The following ANO2 variants were observed in gnomAD, a reference collection of about 807,000 sequenced individuals.
The protein encoded by ANO2 is anoctamin 2.
In ANO2, 101 loss-of-function variants were observed where a neutral mutation model predicts 124.2. The observed-to-expected ratio is 0.81, with a 90% CI of 0.69 to 0.96. The LOEUF (loss-of-function observed/expected upper bound fraction) is 0.96. ANO2 is among the 40% of genes least tolerant of loss of function. The pLI, the probability that ANO2 is intolerant of heterozygous loss-of-function variation, is 0.00. For synonymous variants in ANO2, 486 were observed against 482.5 expected (o/e 1.01, Z -0.09); for missense variants, 1,293 against 1,274.5 (o/e 1.01, Z -0.22).
chr12:5,651,411 CT>C (rs1035844075), intron 14 of ANO2, among the ~76,000 whole-genome samples: 11 of 125,158 alleles, frequency 8.8e-5, no homozygotes, highest in African/African-American at 2.3e-4. Context: ...TTCTTCTTTT[CT>C]TTTTTTTTTC....
chr12:5,923,475 C>T (rs1022455924), intron 1 of ANO2, among the ~76,000 whole-genome samples: 6 of 152,194 alleles, frequency 3.9e-5, no homozygotes, highest in African/African-American at 1.4e-4. Flanking sequence ...CACCAGCTGG[C>T]ACCCTGGCCA....
intron 7 of ANO2, 39 bp from the exon 8 acceptor site, chr12:5,807,407 C>T (rs1278098033): frequency 6.5e-6 from 10 of 1,529,188 alleles, no homozygotes; most frequent in Middle Eastern, 1.7e-4. Context: ...AACTCTGGGG[C>T]AAGCGTTTCT....
intron 7 of ANO2, among the ~76,000 whole-genome samples, chr12:5,816,959 T>C (rs955527202): frequency 6.6e-6 from 1 of 152,208 alleles, no homozygotes; most frequent in Admixed American, 6.5e-5. Flanking sequence ...CAGGTGCTCA[T>C]TAAATGTTTT....
intron 16 of ANO2, among the ~76,000 whole-genome samples, chr12:5,634,810 T>G (rs1945919765): frequency 6.6e-6 from 1 of 152,196 alleles, no homozygotes; most frequent in Non-Finnish European, 1.5e-5. Context: ...TCTGTAATTT[T>G]TAACAGGAAG....
At chr12:5,918,218 G>T (rs567391556) in intron 3 of ANO2, among the ~76,000 whole-genome samples, 1 of 152,292 alleles carries the variant, frequency 6.6e-6, no homozygotes, top group East Asian at 1.9e-4. Context: ...CCACAGCAAG[G>T]AAGCCTAACG....
At chr12:5,827,647 C>T (rs986378529) in intron 7 of ANO2, 122 bp downstream of exon 7, 2 of 1,200,662 alleles carry the variant, frequency 1.7e-6, no homozygotes, top group African/African-American at 3.0e-5. Context: ...GCTAAGCAGC[C>T]TCTCCGTGGG....
At chr12:5,725,245 G>C (rs1314747762) in intron 14 of ANO2, among the ~76,000 whole-genome samples, 1 of 152,040 alleles carries the variant, frequency 6.6e-6, no homozygotes, top group Non-Finnish European at 1.5e-5. Context: ...ACTCTCAACA[G>C]TTCAGGGATG....
chr12:5,584,445 AG>A (rs1162567310), intron 20 of ANO2, among the ~76,000 whole-genome samples: 1 of 152,240 alleles, frequency 6.6e-6, no homozygotes, highest in East Asian at 1.9e-4. Flanking sequence ...GCTTAAAAAA[AG>A]AATCCTCCTT....
At chr12:5,649,039 G>A (rs927079211) in intron 14 of ANO2, among the ~76,000 whole-genome samples, 2 of 152,136 alleles carry the variant, frequency 1.3e-5, no homozygotes, top group African/African-American at 4.8e-5. Flanking sequence ...TTGGTGCCAC[G>A]CACAGTGGGA....
chr12:5,880,701 T>C (rs11615498), intron 3 of ANO2, among the ~76,000 whole-genome samples: 14,812 of 152,070 alleles, frequency 0.097, 818 homozygotes, highest in Middle Eastern at 0.17. Flanking sequence ...AATTAAATAA[T>C]AAGGAGCAGA....
chr12:5,770,841 C>A (rs1294320919), intron 10 of ANO2, among the ~76,000 whole-genome samples: 2 of 152,186 alleles, frequency 1.3e-5, no homozygotes, highest in East Asian at 1.9e-4. Flanking sequence ...GGCACCTTAC[C>A]ATTCCTCAGA....
chr12:5,721,834 CA>C (rs1266459069), intron 14 of ANO2, among the ~76,000 whole-genome samples: 1 of 152,138 alleles, frequency 6.6e-6, no homozygotes, highest in Non-Finnish European at 1.5e-5. Flanking sequence ...CAGCTGTTCC[CA>C]AACTTTCTTG....
At chr12:5,891,370 C>T (rs141213918) in intron 3 of ANO2, among the ~76,000 whole-genome samples, 1 of 152,228 alleles carries the variant, frequency 6.6e-6, no homozygotes, top group Non-Finnish European at 1.5e-5. Context: ...TGGAGCAAAC[C>T]CCTGTTGCTT....
At chr12:5,627,424 G>A (rs1304771835) in intron 16 of ANO2, among the ~76,000 whole-genome samples, 3 of 152,180 alleles carry the variant, frequency 2.0e-5, no homozygotes, top group East Asian at 3.9e-4. Flanking sequence ...TGGCGTCCCC[G>A]CAGAGAGGCA....
intron 1 of ANO2, among the ~76,000 whole-genome samples, chr12:5,939,213 C>CAACAAAAA (rs750334809): frequency 1.2e-5 from 1 of 86,178 alleles, no homozygotes; most frequent in Non-Finnish European, 2.1e-5. Flanking sequence ...AAGACTCCAA[C>CAACAAAAA]AAAAAAAAAA....
chr12:5,693,657 A>G (rs1949038631), intron 14 of ANO2, among the ~76,000 whole-genome samples: 1 of 152,174 alleles, frequency 6.6e-6, no homozygotes, highest in African/African-American at 2.4e-5. Flanking sequence ...GACCCCCTCA[A>G]TACCCTGGCC....
At chr12:5,587,390 C>T (rs3782587) in intron 20 of ANO2, among the ~76,000 whole-genome samples, 29,298 of 152,096 alleles carry the variant, frequency 0.19, 3,630 homozygotes, top group East Asian at 0.34. Flanking sequence ...TAAACTTGGG[C>T]CTACATCCTT....
intron 6 of ANO2, among the ~76,000 whole-genome samples, chr12:5,828,336 T>A (rs1313759893): frequency 6.6e-6 from 1 of 151,780 alleles, no homozygotes; most frequent in African/African-American, 2.4e-5. Context: ...AACGTGGAGG[T>A]AGGTGCAGAG....
chr12:5,583,774 CA>C (rs1942912834), intron 20 of ANO2: 1 of 160,144 alleles, frequency 6.2e-6, no homozygotes, highest in South Asian at 1.8e-4. Flanking sequence ...GTTGGCAAAG[CA>C]GGACTACCAG....
Sources: allele counts gnomAD v4.1 joint callset (sites outside exome capture counted in the v4.1 genomes callset), GRCh38; gene constraint gnomAD v4.1.1; transcripts MANE v1.5; gene names NCBI Gene and HGNC (gene_info 2026-07-23, HGNC 2026-07-21).